ZNF185: variants seen among roughly 807,000 people sequenced by gnomAD.
The protein encoded by ZNF185 is zinc finger protein 185.
A neutral mutation model predicts 58.6 loss-of-function variants in ZNF185; 56 were observed. That is an observed-to-expected ratio of 0.95 (90% CI 0.77 to 1.19). The LOEUF (loss-of-function observed/expected upper bound fraction) is 1.19. Among genes scored for constraint, ZNF185 ranks in the 50% most tolerant of loss-of-function variants. The probability of loss-of-function intolerance (pLI) is 0.00; values close to 1 mark genes in which losing one functional copy is unlikely to be tolerated. For synonymous variants in ZNF185, 230 were observed against 215.9 expected (o/e 1.07, Z -0.57); for missense variants, 627 against 573.5 (o/e 1.09, Z -0.95).
the ZNF185 span, among the ~76,000 whole-genome samples, chrX:152,906,126 G>A: frequency 8.9e-6 from 1 of 112,637 alleles, no homozygotes; most frequent in Non-Finnish European, 1.9e-5. Context: ...GCAAAGCTGG[G>A]ATGAGTCTCC....
At chrX:152,907,522 C>A in the ZNF185 span, among the ~76,000 whole-genome samples, 1 of 113,198 alleles carries the variant, frequency 8.8e-6, no homozygotes, top group Non-Finnish European at 1.9e-5. Flanking sequence ...CCCAGCCCTG[C>A]CAGGGACACT....
chrX:152,958,044 A>T (rs1472285591), intron 16 of ZNF185, among the ~76,000 whole-genome samples: 2 of 111,324 alleles, frequency 1.8e-5, no homozygotes, highest in African/African-American at 6.5e-5. Flanking sequence ...ACACAAAAGA[A>T]TTTTTTTTTA....
chrX:152,931,874 G>C (rs1220472147), intron 13 of ZNF185, 98 bp downstream of exon 14: 4 of 735,001 alleles, frequency 5.4e-6, no homozygotes, highest in Non-Finnish European at 7.8e-6. Context: ...AATGTCAATG[G>C]ATGCAGCTGG....
intron 16 of ZNF185, among the ~76,000 whole-genome samples, chrX:152,956,723 G>T (rs932538641): frequency 1.8e-5 from 2 of 112,129 alleles, no homozygotes; most frequent in Non-Finnish European, 1.9e-5. Context: ...TGGGCAACGA[G>T]GGCAAAACTC....
At chrX:152,947,993 A>T (rs1465082651) in intron 16 of ZNF185, among the ~76,000 whole-genome samples, 1 of 112,643 alleles carries the variant, frequency 8.9e-6, no homozygotes, top group African/African-American at 3.2e-5. Context: ...AGAGAAGCAA[A>T]GGCAGATGGA....
At chrX:152,941,697 C>T in intron 15 of ZNF185, 1 of 1,164,538 alleles carries the variant, frequency 8.6e-7, no homozygotes, top group Non-Finnish European at 1.1e-6. Context: ...ATGCGACCGT[C>T]CACAAAGTGA....
chrX:152,916,890 C>T (rs1012833035), intron 3 of ZNF185, among the ~76,000 whole-genome samples: 1 of 112,534 alleles, frequency 8.9e-6, no homozygotes, highest in Non-Finnish European at 1.9e-5. Context: ...CCTTCCTAGG[C>T]ACCTGCCATG....
At chrX:152,939,558 G>C (rs1226231033) in intron 15 of ZNF185, among the ~76,000 whole-genome samples, 4 of 111,628 alleles carry the variant, frequency 3.6e-5, no homozygotes, top group African/African-American at 1.3e-4. Flanking sequence ...GTAACTTACA[G>C]CTGGTTAACA....
the ZNF185 span, among the ~76,000 whole-genome samples, chrX:152,907,069 G>T: frequency 1.8e-5 from 2 of 111,104 alleles, no homozygotes; most frequent in African/African-American, 3.3e-5. Flanking sequence ...TCAGGCAGCG[G>T]GGAAGTTCTA....
rs1334166384 is a variant in ZNF185, at chrX:152,969,487, A to G, written c.1974+3A>G. ...GCTGCCATGAATATTGCTTTAAGGT[A>G]AAAAAGAGGTGGAAGACACCTTGAG... is the stretch of plus-strand genomic sequence containing the variant. On this transcript the variant is annotated splice_donor_region_variant and intron_variant, in intron 21 of 22. Transcript: ENST00000449285. 4.2e-6 allele frequency: 5 copies of G among 1,185,389 alleles called. No homozygotes were observed. The highest frequency in any genetic ancestry group is 3.0e-5 in the East Asian group (1 of 33,375).
At chrX:152,934,661 C>T (rs1556880087) in intron 14 of ZNF185, among the ~76,000 whole-genome samples, 1 of 111,961 alleles carries the variant, frequency 8.9e-6, no homozygotes. Context: ...TTTAAAGCAT[C>T]TCTAGATTAT....
At chrX:152,918,239 C>G in intron 6 of ZNF185, 85 bp downstream of exon 7, 1 of 1,064,789 alleles carries the variant, frequency 9.4e-7, no homozygotes, top group Non-Finnish European at 1.3e-6. Flanking sequence ...CAGCTGACTA[C>G]TTGCCACCGA....
At chrX:152,945,934 A>G (rs151165992) in intron 16 of ZNF185, among the ~76,000 whole-genome samples, 1,325 of 112,228 alleles carry the variant, frequency 0.012, 11 homozygotes, top group Non-Finnish European at 0.018. Context: ...GAAAGGGAGC[A>G]TGTGTGAGCA....
At chrX:152,918,450 C>T (rs1556867558) in intron 6 of ZNF185, among the ~76,000 whole-genome samples, 1 of 113,174 alleles carries the variant, frequency 8.8e-6, no homozygotes, top group African/African-American at 3.2e-5. Context: ...CGTGAGGCTG[C>T]TGCTGGCTGG....
intron 15 of ZNF185, chrX:152,941,716 C>A (rs1556889790): frequency 8.6e-7 from 1 of 1,164,803 alleles, no homozygotes; most frequent in Non-Finnish European, 1.1e-6. Context: ...GAAATGGCCG[C>A]CCGGGACGAG....
chrX:152,898,106 GCACC>G, the ZNF185 span, among the ~76,000 whole-genome samples: 1 of 106,418 alleles, frequency 9.4e-6, no homozygotes, highest in African/African-American at 3.3e-5. Flanking sequence ...TCCCCGCTGT[GCACC>G]GCGCCCCGCG....
chrX:152,942,154 G>C (rs898025671), intron 15 of ZNF185, among the ~76,000 whole-genome samples: 1 of 112,522 alleles, frequency 8.9e-6, no homozygotes, highest in East Asian at 2.8e-4. Context: ...CGCCATGGGG[G>C]TGGCGTCATC....
chrX:152,950,695 G>A (rs1384194007), intron 16 of ZNF185, among the ~76,000 whole-genome samples: 6 of 111,627 alleles, frequency 5.4e-5, no homozygotes, highest in African/African-American at 2.0e-4. Context: ...TTTCCAGAAG[G>A]TCCCTGGCAA....
At chrX:152,967,145 T>TC (rs2050199419) in intron 19 of ZNF185, 22 bp from the exon 22 acceptor site, 2 of 1,202,357 alleles carry the variant, frequency 1.7e-6, no homozygotes, top group Non-Finnish European at 2.2e-6. Context: ...TGCCCTCCTC[T>TC]CCCCTATCAA....
Sources: gnomAD v4.1 joint callset for allele counts (sites outside exome capture counted in the v4.1 genomes callset) on GRCh38, gnomAD v4.1.1 for gene constraint, MANE v1.5 for transcripts, NCBI Gene and HGNC (gene_info 2026-07-23, HGNC 2026-07-21) for gene names.